DGKB: variants seen among roughly 807,000 people sequenced by gnomAD.
The protein encoded by DGKB is 90 kDa diacylglycerol kinase.
Under a neutral mutation model 114.3 loss-of-function variants are expected in DGKB, and 67 were observed. The ratio of observed to expected loss-of-function variants is 0.59; its 90% CI spans 0.48 to 0.72. The LOEUF is 0.72. Among genes scored for constraint, DGKB ranks in the 30% least tolerant of loss-of-function variants. The pLI, the probability that DGKB is intolerant of heterozygous loss-of-function variation, is 0.00. For missense variants in DGKB, 907 were observed against 975.2 expected, an observed-to-expected ratio of 0.93 and a Z score of 0.93; for synonymous variants, 398 against 323.1, an observed-to-expected ratio of 1.23 and a Z score of -2.49.
intron 2 of DGKB, among the ~76,000 whole-genome samples, chr7:14,770,366 C>T (rs1837236776): frequency 6.6e-6 from 1 of 152,016 alleles, no homozygotes; most frequent in Admixed American, 6.6e-5. Context: ...AGGAGTTCTC[C>T]AGCAACATCA....
At chr7:14,753,516 A>G (rs1586232316) in intron 4 of DGKB, among the ~76,000 whole-genome samples, 1 of 152,334 alleles carries the variant, frequency 6.6e-6, no homozygotes, top group African/African-American at 2.4e-5. Context: ...AAAACAAAAC[A>G]AAACAAAACA....
intron 23 of DGKB, among the ~76,000 whole-genome samples, chr7:14,252,201 T>A (rs2128393172): frequency 6.6e-6 from 1 of 152,286 alleles, no homozygotes; most frequent in South Asian, 2.1e-4. Flanking sequence ...CTTACCCAGA[T>A]CAAGTCTGCT....
At chr7:14,289,918 G>A (rs1235157035) in intron 23 of DGKB, among the ~76,000 whole-genome samples, 1 of 152,118 alleles carries the variant, frequency 6.6e-6, no homozygotes, top group Non-Finnish European at 1.5e-5. Flanking sequence ...GCATATTTCT[G>A]CCTTTCATGC....
chr7:14,964,410 G>A (rs1402510897), intron 1 of DGKB, among the ~76,000 whole-genome samples: 2 of 152,136 alleles, frequency 1.3e-5, no homozygotes, highest in African/African-American at 2.4e-5. Context: ...TGAGGTGGGA[G>A]AATCACATGA....
intron 23 of DGKB, among the ~76,000 whole-genome samples, chr7:14,309,051 C>T (rs1296329755): frequency 6.6e-6 from 1 of 151,868 alleles, no homozygotes; most frequent in Non-Finnish European, 1.5e-5. Context: ...CCTCATCTTA[C>T]AAAAAATACA....
intron 25 of DGKB, among the ~76,000 whole-genome samples, chr7:14,158,338 A>T (rs1323620515): frequency 6.6e-6 from 1 of 152,222 alleles, no homozygotes; most frequent in Non-Finnish European, 1.5e-5. Flanking sequence ...ACCTGGCAGC[A>T]TTCCCGCCAC....
chr7:14,893,027 A>G (rs1485876759), intron 1 of DGKB, among the ~76,000 whole-genome samples: 2 of 151,172 alleles, frequency 1.3e-5, no homozygotes, highest in Non-Finnish European at 3.0e-5. Context: ...TTTCGTAGAT[A>G]TTTAAACATA....
intron 13 of DGKB, among the ~76,000 whole-genome samples, chr7:14,644,761 G>T (rs113567841): frequency 6.6e-6 from 1 of 152,120 alleles, no homozygotes; most frequent in African/African-American, 2.4e-5. Context: ...AGAAAAGATG[G>T]GGAAAGACAT....
intron 21 of DGKB, among the ~76,000 whole-genome samples, chr7:14,471,991 C>A (rs1288648112): frequency 6.6e-6 from 1 of 152,064 alleles, no homozygotes; most frequent in Non-Finnish European, 1.5e-5. Context: ...AGACCAGATA[C>A]TTTGAAATAA....
At chr7:14,154,175 GT>G (rs1367450155) in intron 25 of DGKB, among the ~76,000 whole-genome samples, 1 of 94,738 alleles carries the variant, frequency 1.1e-5, no homozygotes, top group East Asian at 3.6e-4. Flanking sequence ...GTAGAGTTTT[GT>G]CTTTTTTTTT....
At chr7:14,486,670 G>C (rs937388017) in intron 20 of DGKB, among the ~76,000 whole-genome samples, 2 of 152,114 alleles carry the variant, frequency 1.3e-5, no homozygotes, top group African/African-American at 2.4e-5. Flanking sequence ...ACAGCAGAAC[G>C]AACAAGGGCA....
At chr7:14,193,027 C>T (rs947725029) in intron 23 of DGKB, among the ~76,000 whole-genome samples, 9 of 152,130 alleles carry the variant, frequency 5.9e-5, no homozygotes, top group Admixed American at 1.3e-4. Context: ...GGCGGTAATG[C>T]GAGTGATGGG....
chr7:14,561,255 G>T (rs1796616918), intron 20 of DGKB, among the ~76,000 whole-genome samples: 1 of 152,118 alleles, frequency 6.6e-6, no homozygotes, highest in African/African-American at 2.4e-5. Flanking sequence ...TGTAAGATGT[G>T]GCTTTGTTCC....
intron 23 of DGKB, among the ~76,000 whole-genome samples, chr7:14,249,447 C>A (rs1226274390): frequency 6.6e-6 from 1 of 152,070 alleles, no homozygotes; most frequent in African/African-American, 2.4e-5. Context: ...TAGTAGAATT[C>A]ACCAGTGAAG....
At chr7:14,746,142 C>A (rs1833254085) in intron 4 of DGKB, among the ~76,000 whole-genome samples, 1 of 152,060 alleles carries the variant, frequency 6.6e-6, no homozygotes, top group Non-Finnish European at 1.5e-5. Flanking sequence ...AGTTCAAGAC[C>A]AGCCTGGCCA....
At chr7:14,838,128 T>C (rs779755415) in intron 2 of DGKB, among the ~76,000 whole-genome samples, 27 of 152,190 alleles carry the variant, frequency 1.8e-4, no homozygotes, top group Non-Finnish European at 3.7e-4. Flanking sequence ...CCACTTGTTT[T>C]AGGAATTTTC....
chr7:14,775,465 T>C (rs1586411541), intron 2 of DGKB, among the ~76,000 whole-genome samples: 1 of 151,106 alleles, frequency 6.6e-6, no homozygotes, highest in Non-Finnish European at 1.5e-5. Flanking sequence ...CCATTGAAAG[T>C]GAAGGCCAAA....
At chr7:14,485,298 G>A (rs1380842610) in intron 20 of DGKB, among the ~76,000 whole-genome samples, 2 of 126,706 alleles carry the variant, frequency 1.6e-5, no homozygotes. Flanking sequence ...TAATGCTCAT[G>A]AGGTGTGTGT....
intron 2 of DGKB, among the ~76,000 whole-genome samples, chr7:14,821,115 A>G (rs1318527067): frequency 6.6e-6 from 1 of 152,168 alleles, no homozygotes; most frequent in African/African-American, 2.4e-5. Flanking sequence ...CCTTTGACTA[A>G]AAAGGGTAAA....
Sources: allele counts gnomAD v4.1 joint callset (sites outside exome capture counted in the v4.1 genomes callset), GRCh38; gene constraint gnomAD v4.1.1; transcripts MANE v1.5; gene names NCBI Gene and HGNC (gene_info 2026-07-23, HGNC 2026-07-21).